RAP1A: variants seen among roughly 807,000 people sequenced by gnomAD.
The protein encoded by RAP1A is RAP1A, member of RAS oncogene family.
A neutral mutation model predicts 26.4 loss-of-function variants in RAP1A; 6 were observed. The observed-to-expected ratio is 0.23, with a 90% confidence interval of 0.12 to 0.45. The LOEUF is 0.45. Among genes scored for constraint, RAP1A ranks in the 20% least tolerant of loss-of-function variants. RAP1A has a pLI of 0.99. For synonymous variants in RAP1A, 73 were observed against 79.4 expected, an observed-to-expected ratio of 0.92 and a Z score of 0.43; for missense variants, 121 against 217.2, an observed-to-expected ratio of 0.56 and a Z score of 2.78.
intron 1 of RAP1A, among the ~76,000 whole-genome samples, chr1:111,587,667 T>G (rs989271259): frequency 6.6e-5 from 10 of 152,206 alleles, no homozygotes; most frequent in African/African-American, 2.4e-4. Flanking sequence ...AGCCAAGTTT[T>G]TTAAGTCTAC....
Position 111,655,266 on chromosome 1 carries a change from CAAAAA to C in RAP1A, c.-28+35339_-28+35343del, listed in dbSNP as rs5777071. 6.3e-5 allele frequency among the ~76,000 whole-genome samples: 9 copies of C among 142,194 alleles called. No homozygotes were observed. The South Asian group carries it at 1.8e-3, about 28-fold the overall frequency. The allele number at this position is 142,194 out of a possible 152,430, so 93.3% of individuals were successfully genotyped here. A position where few individuals can be genotyped will look rare whatever the true frequency, so the allele number is the denominator to read the frequency against. ...AAGAAAAAAAAACAATGCAATAAAA[CAAAAA>C]AAAAAACAACAGAAATTAACTTGAG... On this transcript the variant is annotated intron_variant, in intron 1 of 7. Coordinates refer to ENST00000369709, the MANE Select transcript of RAP1A (RefSeq NM_002884.4).
chr1:111,666,276 AATG>A (rs1660793059), intron 1 of RAP1A, among the ~76,000 whole-genome samples: 1 of 152,184 alleles, frequency 6.6e-6, no homozygotes, highest in South Asian at 2.1e-4. Flanking sequence ...AAAAATTCAG[AATG>A]ATGACTCTTC....
At chr1:111,710,191 A>G (rs1485499231) in intron 7 of RAP1A, among the ~76,000 whole-genome samples, 2 of 152,178 alleles carry the variant, frequency 1.3e-5, no homozygotes, top group African/African-American at 4.8e-5. Flanking sequence ...GTGGTGTATC[A>G]GTGTAATTTT....
At chr1:111,708,720 CTTAATAG>C (rs1419143886) in intron 6 of RAP1A, among the ~76,000 whole-genome samples, 2 of 152,130 alleles carry the variant, frequency 1.3e-5, no homozygotes, top group African/African-American at 2.4e-5. Flanking sequence ...TGTTAAAGGA[CTTAATAG>C]TTAAGGTCTA....
intron 1 of RAP1A, among the ~76,000 whole-genome samples, chr1:111,611,971 C>G (rs897091835): frequency 6.6e-6 from 1 of 151,630 alleles, no homozygotes; most frequent in African/African-American, 2.4e-5. Context: ...TTCAGATATC[C>G]ATATATTTGG....
intron 1 of RAP1A, among the ~76,000 whole-genome samples, chr1:111,645,835 A>G (rs957302156): frequency 9.9e-5 from 15 of 152,194 alleles, no homozygotes; most frequent in Admixed American, 1.3e-4. Flanking sequence ...GTTCTTAACT[A>G]CTAAGCTACA....
In RAP1A at chr1:111,715,421, A is replaced by G. The variant is rs1381830093; in HGVS notation, c.*3020A>G. 6.6e-6 allele frequency: 1 copy of G among 152,050 alleles called. No homozygotes were observed. Among genetic ancestry groups the G allele is most frequent in the East Asian group, 1.9e-4 (1 of 5,194 alleles). The allele number at this position is 152,050 out of a possible 1,614,324, so 9.4% of individuals were successfully genotyped here. ...GCATTGAAGTAACTATTTAAGTCCT[A>G]GTACATAAACACTGTGTGGTTCACA... is the stretch of plus-strand genomic sequence containing the variant. On this transcript the variant is annotated 3_prime_UTR_variant, in exon 8 of 8. Transcript: ENST00000369709.
At chr1:111,595,568 A>G (rs1658550779) in intron 1 of RAP1A, among the ~76,000 whole-genome samples, 1 of 152,224 alleles carries the variant, frequency 6.6e-6, no homozygotes, top group Non-Finnish European at 1.5e-5. Flanking sequence ...GTTTTAACAT[A>G]AAGGGTCATA....
At chr1:111,596,185 T>C (rs529281603) in intron 1 of RAP1A, among the ~76,000 whole-genome samples, 2 of 152,264 alleles carry the variant, frequency 1.3e-5, no homozygotes, top group East Asian at 1.9e-4. Flanking sequence ...GGAGTCACCA[T>C]TATGGGTAGG....
At chr1:111,684,612 G>A (rs1437042996) in intron 1 of RAP1A, among the ~76,000 whole-genome samples, 6 of 151,998 alleles carry the variant, frequency 3.9e-5, no homozygotes, top group East Asian at 1.9e-4. Flanking sequence ...ACTACAAACC[G>A]CTGCACAAGG....
At chr1:111,630,138 A>G (rs1431933648) in intron 1 of RAP1A, among the ~76,000 whole-genome samples, 1 of 152,208 alleles carries the variant, frequency 6.6e-6, no homozygotes, top group Non-Finnish European at 1.5e-5. Flanking sequence ...TAATTTTTAC[A>G]TGAGGTGAAA....
chr1:111,578,275 G>A (rs1292834882), intron 1 of RAP1A, among the ~76,000 whole-genome samples: 1 of 152,022 alleles, frequency 6.6e-6, no homozygotes, highest in Admixed American at 6.6e-5. Context: ...ACCTGGAAGA[G>A]GTTTGAAGTT....
In RAP1A at chr1:111,688,813, T is replaced by TG. The variant is rs376111348; in HGVS notation, c.-27-2521_-27-2520insG. ...GTAGATGGGTTTTTGTTTTTGTTTTTTTTTTTTTGTTTTTTTTTTTGTTTT... is the reference window on the plus strand; with the variant it reads ...GTAGATGGGTTTTTGTTTTTGTTTTTGTTTTTTTTGTTTTTTTTTTTGTTTT... On this transcript the variant is annotated intron_variant, in intron 1 of 7. Coordinates refer to ENST00000369709, the MANE Select transcript of RAP1A (RefSeq NM_002884.4). 3.8e-3 allele frequency among the ~76,000 whole-genome samples: 277 copies of TG among 73,222 alleles called. 3 individuals are homozygous for TG. The highest frequency in any genetic ancestry group is 0.014 in the African/African-American group (266 of 19,344). 48.0% of individuals were successfully genotyped at this position (73,222 alleles called of 152,430 possible).
At chr1:111,702,668 A>T (rs1291544278) in intron 4 of RAP1A, among the ~76,000 whole-genome samples, 2 of 151,858 alleles carry the variant, frequency 1.3e-5, no homozygotes, top group Admixed American at 6.6e-5. Context: ...CCCGGGTTCA[A>T]GTGATTCTTC....
chr1:111,710,583 C>G (rs369467997), intron 7 of RAP1A, among the ~76,000 whole-genome samples: 17 of 152,336 alleles, frequency 1.1e-4, no homozygotes, highest in African/African-American at 4.1e-4. Flanking sequence ...TTGTAAGTCT[C>G]TTGGTCTATT....
At chr1:111,700,672 G>A (rs1661992445) in intron 4 of RAP1A, among the ~76,000 whole-genome samples, 1 of 152,114 alleles carries the variant, frequency 6.6e-6, no homozygotes, top group Admixed American at 6.6e-5. Flanking sequence ...CTTTTTGTAT[G>A]TCTTATAAGC....
At chr1:111,685,896 C>T (rs1358260883) in intron 1 of RAP1A, among the ~76,000 whole-genome samples, 3 of 152,100 alleles carry the variant, frequency 2.0e-5, no homozygotes, top group African/African-American at 4.8e-5. Flanking sequence ...CAATGATAGA[C>T]TGGATAAAGA....
intron 1 of RAP1A, among the ~76,000 whole-genome samples, chr1:111,629,829 T>C (rs555595285): frequency 2.0e-5 from 3 of 152,290 alleles, no homozygotes; most frequent in South Asian, 4.1e-4. Flanking sequence ...ATCTCAGATA[T>C]TCAAAACGAT....
At chr1:111,690,489 A>G (rs1300424619) in intron 1 of RAP1A, among the ~76,000 whole-genome samples, 1 of 152,226 alleles carries the variant, frequency 6.6e-6, no homozygotes, top group Non-Finnish European at 1.5e-5. Context: ...CCACAGTCTG[A>G]AAAATGCCTC....
Sources: gnomAD v4.1 joint callset for allele counts (sites outside exome capture counted in the v4.1 genomes callset) on GRCh38, gnomAD v4.1.1 for gene constraint, MANE v1.5 for transcripts, NCBI Gene and HGNC (gene_info 2026-07-23, HGNC 2026-07-21) for gene names.